Variants in STARD13 observed in about 807,000 individuals in gnomAD.
STARD13 encodes the protein StAR related lipid transfer domain containing 13.
Under a neutral mutation model 106.4 loss-of-function variants are expected in STARD13, and 62 were observed. The ratio of observed to expected loss-of-function variants is 0.58; its 90% CI spans 0.48 to 0.72. The LOEUF (loss-of-function observed/expected upper bound fraction) is 0.72, where lower values mean the gene tolerates loss of function less well. Among genes scored for constraint, STARD13 ranks in the 30% least tolerant of loss-of-function variants. The pLI is 0.00. For missense variants in STARD13, 1,387 were observed against 1,424.0 expected, an observed-to-expected ratio of 0.97 and a Z score of 0.42; for synonymous variants, 565 against 553.0, an observed-to-expected ratio of 1.02 and a Z score of -0.31.
At chr13:33,415,224 C>T in the STARD13 span, among the ~76,000 whole-genome samples, 3 of 152,036 alleles carry the variant, frequency 2.0e-5, no homozygotes, top group African/African-American at 4.8e-5. Flanking sequence ...AAAAAGTAGC[C>T]GGGCGTGGTG....
At chr13:33,577,722 A>G in the STARD13 span, among the ~76,000 whole-genome samples, 1 of 152,102 alleles carries the variant, frequency 6.6e-6, no homozygotes, top group African/African-American at 2.4e-5. Flanking sequence ...TCTAAAAAGG[A>G]TTATAGCCCT....
chr13:33,119,296 G>T (rs995983048), intron 7 of STARD13, among the ~76,000 whole-genome samples: 7 of 152,260 alleles, frequency 4.6e-5, no homozygotes, highest in African/African-American at 1.7e-4. Flanking sequence ...AATTTTCACA[G>T]CTCTCATTCC....
chr13:33,415,203 C>CAAACCCCGTTTG, the STARD13 span, among the ~76,000 whole-genome samples: 1 of 152,080 alleles, frequency 6.6e-6, no homozygotes, highest in Non-Finnish European at 1.5e-5. Flanking sequence ...CCCGTCTGTA[C>CAAACCCCGTTTG]TAAAAATACA....
chr13:33,486,499 A>G, the STARD13 span, among the ~76,000 whole-genome samples: 1 of 152,346 alleles, frequency 6.6e-6, no homozygotes, highest in East Asian at 1.9e-4. Context: ...ATACTGTAAT[A>G]AAAGTTATGT....
the STARD13 span, among the ~76,000 whole-genome samples, chr13:33,628,953 T>C: frequency 9.2e-5 from 14 of 152,230 alleles, no homozygotes; most frequent in Admixed American, 7.2e-4. Flanking sequence ...GTGCCAATGA[T>C]CAATAGCAGA....
the STARD13 span, among the ~76,000 whole-genome samples, chr13:33,596,499 A>C: frequency 6.6e-6 from 1 of 152,218 alleles, no homozygotes; most frequent in Non-Finnish European, 1.5e-5. Flanking sequence ...TTAATGATCA[A>C]ATCAGGGCAT....
At chr13:33,109,274 G>A (rs566454611) in intron 12 of STARD13, among the ~76,000 whole-genome samples, 8 of 152,264 alleles carry the variant, frequency 5.3e-5, no homozygotes, top group Non-Finnish European at 7.3e-5. Context: ...CATTGGTTGA[G>A]CATCCCCTTC....
At chr13:33,207,082 TTAATC>T (rs1887459338) in intron 1 of STARD13, among the ~76,000 whole-genome samples, 1 of 152,228 alleles carries the variant, frequency 6.6e-6, no homozygotes, top group Non-Finnish European at 1.5e-5. Flanking sequence ...ATATACATGT[TTAATC>T]TGGCAGAGGA....
the STARD13 span, among the ~76,000 whole-genome samples, chr13:33,675,078 C>G: frequency 6.6e-6 from 1 of 152,182 alleles, no homozygotes; most frequent in African/African-American, 2.4e-5. Flanking sequence ...TCCTTAGGAA[C>G]CTTCACCTTT....
chr13:33,517,280 G>A, the STARD13 span, among the ~76,000 whole-genome samples: 1 of 151,910 alleles, frequency 6.6e-6, no homozygotes, highest in Admixed American at 6.6e-5. Context: ...AACCCAATTC[G>A]TTTTGCCTAC....
chr13:33,462,090 T>G, the STARD13 span, among the ~76,000 whole-genome samples: 1 of 152,208 alleles, frequency 6.6e-6, no homozygotes, highest in African/African-American at 2.4e-5. Flanking sequence ...CTCCGCCCCA[T>G]CTGTTCTATT....
chr13:33,460,012 A>G, the STARD13 span, among the ~76,000 whole-genome samples: 1 of 152,148 alleles, frequency 6.6e-6, no homozygotes, highest in Non-Finnish European at 1.5e-5. Context: ...TTCCTTTATA[A>G]TGTGCTTCTT....
chr13:33,322,215 A>G (rs995569164), intron 1 of STARD13, among the ~76,000 whole-genome samples: 2 of 152,222 alleles, frequency 1.3e-5, no homozygotes, highest in African/African-American at 4.8e-5. Context: ...CAGTTATACA[A>G]CTTTTCAAAT....
chr13:33,219,283 G>T (rs1185914089), intron 1 of STARD13, among the ~76,000 whole-genome samples: 3 of 151,924 alleles, frequency 2.0e-5, no homozygotes, highest in African/African-American at 7.3e-5. Context: ...TTGGGTTCCT[G>T]CTGATCCTGA....
chr13:33,566,210 G>A, the STARD13 span, among the ~76,000 whole-genome samples: 1 of 148,270 alleles, frequency 6.7e-6, no homozygotes, highest in African/African-American at 2.5e-5. Flanking sequence ...ATAGTATGCA[G>A]GATTGTTATA....
chr13:33,646,967 C>G, the STARD13 span, among the ~76,000 whole-genome samples: 1 of 152,054 alleles, frequency 6.6e-6, no homozygotes, highest in Admixed American at 6.6e-5. Context: ...ATTGGGTTCT[C>G]CTTTTGTATC....
At chr13:33,180,639 G>A in intron 1 of STARD13, 1 of 152,196 alleles carries the variant, frequency 6.6e-6, no homozygotes, top group East Asian at 1.9e-4. Flanking sequence ...GAATCTCCCA[G>A]GTCGGCTTCC....
At chr13:33,467,421 G>A in the STARD13 span, among the ~76,000 whole-genome samples, 2 of 152,146 alleles carry the variant, frequency 1.3e-5, no homozygotes, top group East Asian at 1.9e-4. Flanking sequence ...ATGGGGAGTG[G>A]CTGTAAATAC....
At chr13:33,297,314 A>G (rs4430614) in intron 1 of STARD13, among the ~76,000 whole-genome samples, 145,605 of 152,278 alleles carry the variant, frequency 0.96, 69,954 homozygotes, top group East Asian at 1. Flanking sequence ...AATCAATCAC[A>G]AGAGAATATT....
Sources: allele counts gnomAD v4.1 joint callset (sites outside exome capture counted in the v4.1 genomes callset), GRCh38; gene constraint gnomAD v4.1.1; transcripts MANE v1.5; gene names NCBI Gene and HGNC (gene_info 2026-07-23, HGNC 2026-07-21).